The following SOS2 variants were observed in gnomAD, a reference collection of about 807,000 sequenced individuals.
SOS2 encodes the protein son of sevenless homolog 2.
A neutral mutation model predicts 148.2 loss-of-function variants in SOS2; 65 were observed. That is an observed-to-expected ratio of 0.44 (90% confidence interval 0.36 to 0.54). The LOEUF is 0.54. Among genes scored for constraint, SOS2 ranks in the 20% least tolerant of loss-of-function variants. The probability of loss-of-function intolerance (pLI) is 0.00; values close to 1 mark genes in which losing one functional copy is unlikely to be tolerated. For missense variants in SOS2, 1,341 were observed against 1,590.2 expected (o/e 0.84, Z 2.67); for synonymous variants, 539 against 537.1 (o/e 1.00, Z -0.05).
intron 8 of SOS2, among the ~76,000 whole-genome samples, chr14:50,163,522 A>C (rs17122207): frequency 0.056 from 8,551 of 152,258 alleles, 433 homozygotes; most frequent in African/African-American, 0.12. Context: ...AGCAACATAA[A>C]TAATGTAAAT....
At position 50,129,954 on chromosome 14, in the gene SOS2, T is replaced by A; in HGVS notation, c.3379+7A>T. 1 of 1,545,604 alleles carries A rather than the reference T, an allele frequency of 6.5e-7. No homozygotes were observed. The highest frequency in any genetic ancestry group is 1.7e-5 in the Admixed American group (1 of 57,978). On this transcript the variant is annotated splice_region_variant and intron_variant, in intron 21 of 22. Transcript: ENST00000216373. ...TTTCATTAAGAATCAACTTAAATTA[T>A]ACTTACTTGAATGTGGCAAAAGCAC...
chr14:50,124,157 T>G (rs1255065350), intron 21 of SOS2, among the ~76,000 whole-genome samples: 2 of 151,844 alleles, frequency 1.3e-5, no homozygotes, highest in African/African-American at 4.8e-5. Context: ...AGAAGAGAGG[T>G]TCTGGCTAGA....
At chr14:50,167,867 C>CAA (rs994488707) in intron 8 of SOS2, among the ~76,000 whole-genome samples, 3 of 116,030 alleles carry the variant, frequency 2.6e-5, no homozygotes, top group African/African-American at 9.7e-5. Context: ...GACTCTGTCT[C>CAA]AAAAAAAAAA....
chr14:50,183,317 C>A (rs935291396), intron 5 of SOS2, among the ~76,000 whole-genome samples: 1 of 151,686 alleles, frequency 6.6e-6, no homozygotes, highest in African/African-American at 2.4e-5. Context: ...AAGATGGAAT[C>A]ATACTGTGTA....
Position 50,171,028 on chromosome 14 carries a change from C to T in SOS2, c.1068+3426G>A, listed in dbSNP as rs560092276. Among the ~76,000 whole-genome samples, 8 of 151,278 alleles carry T rather than the reference C, an allele frequency of 5.3e-5. No individual in the cohort carries two copies. The South Asian group carries it at 8.4e-4, about 16-fold the overall frequency. ...ACTCGGGAAGCTGAGGCAGGAGAATCGCTTGAACCTGGGAGGCGGAGGTTG... is the reference window on the plus strand; with the variant it reads ...ACTCGGGAAGCTGAGGCAGGAGAATTGCTTGAACCTGGGAGGCGGAGGTTG... On this transcript the variant is annotated intron_variant, in intron 8 of 22. Coordinates refer to ENST00000216373, the MANE Select transcript of SOS2 (RefSeq NM_006939.4).
At chr14:50,145,409 G>A in intron 15 of SOS2, 68 bp downstream of exon 15, 1 of 1,557,938 alleles carries the variant, frequency 6.4e-7, no homozygotes, top group Non-Finnish European at 8.7e-7. Context: ...TGAGTAGCCA[G>A]AATTTTAGCT....
chr14:50,156,582 T>C (rs1884828328), intron 12 of SOS2: 1 of 152,280 alleles, frequency 6.6e-6, no homozygotes, highest in South Asian at 2.1e-4. Flanking sequence ...CTTCCACAAA[T>C]ATTATAAATT....
At position 50,133,242 on chromosome 14, in the gene SOS2, C is replaced by CTTTTTTTTTTTTTTTT. The variant is rs753590435; in HGVS notation, c.3075+880_3075+881insAAAAAAAAAAAAAAAA. ...TTTCCATGAACTTTTTTTCTTTTTT[C>CTTTTTTTTTTTTTTTT]TTTTTTCTTTTTTTTTTTTTTTGAG... On this transcript the variant is annotated intron_variant, in intron 19 of 22. Coordinates refer to ENST00000216373, the MANE Select transcript of SOS2 (RefSeq NM_006939.4). Among the ~76,000 whole-genome samples the CTTTTTTTTTTTTTTTT allele has an allele frequency of 3.2e-4, 25 of 78,802 alleles. 5 individuals are homozygous for CTTTTTTTTTTTTTTTT. The highest frequency in any genetic ancestry group is 4.0e-4 in the Non-Finnish European group (17 of 42,196). 51.7% of individuals were successfully genotyped at this position (78,802 alleles called of 152,430 possible). A position where few individuals can be genotyped will look rare whatever the true frequency, so the allele number is the denominator to read the frequency against.
Position 50,118,665 on chromosome 14 carries a change from G to C in SOS2, c.3678C>G (p.His1226Gln). 1 of 1,613,926 alleles carries C rather than the reference G, an allele frequency of 6.2e-7. No individual in the cohort carries two copies. Among genetic ancestry groups the C allele is most frequent in the Non-Finnish European group, 8.5e-7 (1 of 1,179,956 alleles). The change falls in exon 23 of 23, where the codon CAC (histidine) becomes CAG (glutamine). Residue 1226 changes from histidine (H) to glutamine (Q), a missense_variant. Around this residue, in one of 4 missense-constraint regions of SOS2, gnomAD observed 354 missense variants for 347.7 expected, o/e 1.02. Coordinates refer to ENST00000216373, the MANE Select transcript of SOS2 (RefSeq NM_006939.4). ...PPPVPLRPPE[H>Q]FINCPFNLQP... The stretch of plus-strand genomic sequence containing the variant: ...GAAGATTAAATGGACAGTTTATAAA[G>C]TGTTCTGGAGGCCGAAGGGGAACTG...
upstream of SOS2, chr14:50,231,679 A>AGCG (rs569943648): frequency 0.011 from 1,724 of 162,714 alleles, 17 homozygotes; most frequent in Middle Eastern, 0.05. Flanking sequence ...GGCGGTGAGC[A>AGCG]GCGGCGGCGG....
chr14:50,191,148 C>T (rs1886122289), intron 4 of SOS2, among the ~76,000 whole-genome samples: 1 of 151,930 alleles, frequency 6.6e-6, no homozygotes, highest in Non-Finnish European at 1.5e-5. Flanking sequence ...CACAGCTGAC[C>T]ATTCTCTCAT....
At position 50,174,439 on chromosome 14, in the gene SOS2, G is replaced by A. The variant is rs201588509; in HGVS notation, c.1068+15C>T. 9.5e-6 allele frequency: 14 copies of A among 1,468,316 alleles called. No homozygotes were observed. Among genetic ancestry groups the A allele is most frequent in the South Asian group, 1.2e-5 (1 of 81,820 alleles). 91.0% of individuals were successfully genotyped at this position (1,468,316 alleles called of 1,614,324 possible). On this transcript the variant is annotated intron_variant, in intron 8 of 22. Transcript: ENST00000216373. Reference sequence around the variant, plus strand: ...TATTAGATAAGTACTTTGAGATTCTGTTATAAAACCTTACCTTTAGTAACT... The same window carrying A: ...TATTAGATAAGTACTTTGAGATTCTATTATAAAACCTTACCTTTAGTAACT...
intron 8 of SOS2, among the ~76,000 whole-genome samples, chr14:50,166,890 T>C (rs1885184009): frequency 6.6e-6 from 1 of 152,118 alleles, no homozygotes; most frequent in Non-Finnish European, 1.5e-5. Flanking sequence ...AGTTGGTAAT[T>C]TGGTGGGAAA....
rs1283709075 is a variant in SOS2, at chr14:50,117,610, TTAAC to T, written c.*730_*733del. 6.6e-6 allele frequency: 1 copy of T among 152,256 alleles called. No individual in the cohort carries two copies. The highest frequency in any genetic ancestry group is 1.5e-5 in the Non-Finnish European group (1 of 68,050). 9.4% of individuals were successfully genotyped at this position (152,256 alleles called of 1,614,324 possible). A position where few individuals can be genotyped will look rare whatever the true frequency, so the allele number is the denominator to read the frequency against. On this transcript the variant is annotated 3_prime_UTR_variant, in exon 23 of 23. Coordinates refer to ENST00000216373, the MANE Select transcript of SOS2 (RefSeq NM_006939.4). ...AACAAAACTGTACATACATGGCATA[TTAAC>T]TGTTTTCCATAACAATAGGCAATTC... is the stretch of plus-strand genomic sequence containing the variant.
At chr14:50,127,719 A>G (rs1883729963) in intron 21 of SOS2, among the ~76,000 whole-genome samples, 1 of 152,252 alleles carries the variant, frequency 6.6e-6, no homozygotes. Context: ...AAGTTTAAAA[A>G]AAGATTGAAA....
chr14:50,133,716 G>A (rs1332013186), intron 19 of SOS2, among the ~76,000 whole-genome samples: 1 of 152,172 alleles, frequency 6.6e-6, no homozygotes, highest in Non-Finnish European at 1.5e-5. Flanking sequence ...AAATTCTAGT[G>A]ACAGAGATGG....
At chr14:50,226,410 C>T (rs1159758413) in intron 1 of SOS2, among the ~76,000 whole-genome samples, 1 of 152,174 alleles carries the variant, frequency 6.6e-6, no homozygotes, top group African/African-American at 2.4e-5. Flanking sequence ...AGATCCAGTG[C>T]CATCTTCTAA....
In SOS2 at chr14:50,130,740, A is replaced by G; in HGVS notation, c.3098T>C (p.Leu1033Ser). Reference sequence around the variant, plus strand: ...GTTAGGCCTTATTCCAGGAGATTTTAAGGAAAAAGTTGATTTCCTAGGCTG... The same window carrying G: ...GTTAGGCCTTATTCCAGGAGATTTTGAGGAAAAAGTTGATTTCCTAGGCTG... ...PRFPRKSTFS[L>S]KSPGIRPNTG... Residue 1033 changes from leucine to serine, a missense_variant, in exon 20 of 23, where the codon TTA (leucine) becomes TCA (serine). Leu to Ser is a moderately radical substitution (Grantham distance 145). Coordinates refer to ENST00000216373, the MANE Select transcript of SOS2 (RefSeq NM_006939.4). 6.2e-7 allele frequency: 1 copy of G among 1,604,156 alleles called. No individual in the cohort carries two copies. Among genetic ancestry groups the G allele is most frequent in the Non-Finnish European group, 8.5e-7 (1 of 1,176,128 alleles).
At chr14:50,212,502 C>A (rs898575261) in intron 1 of SOS2, among the ~76,000 whole-genome samples, 2 of 152,158 alleles carry the variant, frequency 1.3e-5, no homozygotes, top group African/African-American at 4.8e-5. Context: ...ACAGTGAATA[C>A]CACAAAAACG....
Sources: gnomAD v4.1 joint callset for allele counts (sites outside exome capture counted in the v4.1 genomes callset) on GRCh38, gnomAD v4.1.1 for gene constraint, gnomAD v4.1.1 regional missense constraint, MANE v1.5 for transcripts, NCBI Gene and HGNC (gene_info 2026-07-23, HGNC 2026-07-21) for gene names.